CFAP61: variants seen among roughly 807,000 people sequenced by gnomAD.
CFAP61 encodes the protein cilia and flagella associated protein 61, also known as cilia- and flagella-associated protein 61.
In CFAP61, 107 loss-of-function variants were observed where a neutral mutation model predicts 135.6. The observed-to-expected ratio is 0.79, with a 90% CI of 0.67 to 0.93. The LOEUF (loss-of-function observed/expected upper bound fraction) is 0.93. Among genes scored for constraint, CFAP61 ranks in the 40% least tolerant of loss-of-function variants. The pLI is 0.00. For synonymous variants in CFAP61, 575 were observed against 578.5 expected (o/e 0.99, Z 0.09); for missense variants, 1,507 against 1,556.2 (o/e 0.97, Z 0.53).
intron 26 of CFAP61, among the ~76,000 whole-genome samples, chr20:20,355,038 G>A (rs546580795): frequency 6.7e-6 from 1 of 149,158 alleles, no homozygotes; most frequent in South Asian, 2.2e-4. Flanking sequence ...ATCACACTGA[G>A]GGGAGGTGGT....
intron 5 of CFAP61, 61 bp from the exon 6 acceptor site, chr20:20,075,428 C>T (rs2045982041): frequency 1.9e-6 from 3 of 1,580,196 alleles, no homozygotes; most frequent in Admixed American, 3.3e-5. Context: ...ACATTTTGTT[C>T]TGACATCCCA....
At chr20:20,278,180 G>A (rs2053916593) in intron 22 of CFAP61, among the ~76,000 whole-genome samples, 1 of 152,222 alleles carries the variant, frequency 6.6e-6, no homozygotes, top group East Asian at 1.9e-4. Context: ...GTAAAGGGAA[G>A]TATCCCCAGT....
chr20:20,204,662 A>T lies in CFAP61; in HGVS notation c.1932+4760A>T, dbSNP rs546070663. 3.3e-5 allele frequency among the ~76,000 whole-genome samples: 5 copies of T among 152,318 alleles called. No individual in the cohort carries two copies. The East Asian group carries it at 9.6e-4, about 29-fold the overall frequency. On this transcript the variant is annotated intron_variant, in intron 17 of 26. Coordinates refer to ENST00000245957, the MANE Select transcript of CFAP61 (RefSeq NM_015585.4). ...TTGGTAACTTTCACCGCCAGTGGTT[A>T]GACTTCCCTTGGTTATATTTGTGGT...
intron 15 of CFAP61, among the ~76,000 whole-genome samples, chr20:20,194,342 T>TTG (rs2056136646): frequency 6.6e-6 from 1 of 152,214 alleles, no homozygotes; most frequent in Non-Finnish European, 1.5e-5. Context: ...ATTGGAATCT[T>TTG]TATTTCAGAG....
At chr20:20,079,119 G>C (rs2046256510) in intron 6 of CFAP61, among the ~76,000 whole-genome samples, 1 of 152,108 alleles carries the variant, frequency 6.6e-6, no homozygotes, top group Admixed American at 6.6e-5. Context: ...GAGGAAGGGG[G>C]CCCTCCTGCC....
intron 8 of CFAP61, among the ~76,000 whole-genome samples, chr20:20,132,699 AT>A (rs1343874754): frequency 6.6e-6 from 1 of 152,004 alleles, no homozygotes; most frequent in East Asian, 1.9e-4. Flanking sequence ...TTAAGGCATA[AT>A]TTTTAAATTA....
At chr20:20,241,072 A>G (rs2049987184) in intron 18 of CFAP61, among the ~76,000 whole-genome samples, 1 of 152,192 alleles carries the variant, frequency 6.6e-6, no homozygotes. Context: ...GTTTTAAGAG[A>G]AATTTGCTCT....
chr20:20,139,417 C>G (rs1234900883), intron 8 of CFAP61, among the ~76,000 whole-genome samples: 3 of 152,192 alleles, frequency 2.0e-5, no homozygotes, highest in Non-Finnish European at 4.4e-5. Context: ...TGCCTTTACT[C>G]CCACTAGAGT....
intron 21 of CFAP61, among the ~76,000 whole-genome samples, chr20:20,269,854 T>C (rs913807346): frequency 2.0e-5 from 3 of 152,200 alleles, no homozygotes; most frequent in African/African-American, 7.2e-5. Flanking sequence ...GACCTGATTT[T>C]GAAATAGACT....
Position 20,314,544 on chromosome 20 carries a change from T to C in CFAP61, c.3422+16158T>C, listed in dbSNP as rs1308350850. On this transcript the variant is annotated intron_variant, in intron 25 of 26. Coordinates refer to ENST00000245957, the MANE Select transcript of CFAP61 (RefSeq NM_015585.4). ...TTATTATTATTATTTATTTTTTTTA[T>C]TATTATTATACTTTAAGTTTTAGGG... 3.3e-5 allele frequency among the ~76,000 whole-genome samples: 5 copies of C among 149,556 alleles called. No individual in the cohort carries two copies. The East Asian group carries it at 9.7e-4, about 29-fold the overall frequency.
chr20:20,277,232 G>C lies in CFAP61; in HGVS notation c.2570G>C (p.Gly857Ala), dbSNP rs1191098618. The C allele has an allele frequency of 3.1e-6, 5 of 1,613,692 alleles. No individual in the cohort carries two copies. Among genetic ancestry groups the C allele is most frequent in the Non-Finnish European group, 4.2e-6 (5 of 1,179,976 alleles). Residue 857 changes from glycine (G) to alanine (A), a missense_variant, in exon 22 of 27, where the codon GGC (glycine) becomes GCC (alanine). By Grantham distance (60) the Gly-to-Ala change is moderately conservative. Transcript: ENST00000245957. ...ACCGTGGAGACGCTCTTAAACCTTGGCGTGAGCGGCAGCCGCATCCACCTC... is the reference window on the plus strand; with the variant it reads ...ACCGTGGAGACGCTCTTAAACCTTGCCGTGAGCGGCAGCCGCATCCACCTC... ...YTTVETLLNL[G>A]VSGSRIHLVQ...
In CFAP61 at chr20:20,118,273, CTTT is replaced by C. The variant is rs2049313319; in HGVS notation, c.859+19460_859+19462del. ...GGTATGTTTCTTTCTTTCTTTCTTTCTTTCTTTCTTTCTTTCTTTCTTTCTTTC... is the reference window on the plus strand; with the variant it reads ...GGTATGTTTCTTTCTTTCTTTCTTTCCTTTCTTTCTTTCTTTCTTTCTTTC... On this transcript the variant is annotated intron_variant, in intron 8 of 26. Transcript: ENST00000245957. Among the ~76,000 whole-genome samples the C allele has an allele frequency of 2.3e-5, 3 of 131,344 alleles. No homozygotes were observed. The South Asian group carries it at 7.9e-4, about 35-fold the overall frequency. The allele number at this position is 131,344 out of a possible 152,430, so 86.2% of individuals were successfully genotyped here. A position where few individuals can be genotyped will look rare whatever the true frequency, so the allele number is the denominator to read the frequency against.
intron 6 of CFAP61, among the ~76,000 whole-genome samples, chr20:20,085,881 CT>C (rs757736247): frequency 6.6e-6 from 1 of 152,208 alleles, no homozygotes; most frequent in Non-Finnish European, 1.5e-5. Context: ...ATCAAGGACT[CT>C]TTTTTACAGA....
intron 25 of CFAP61, chr20:20,322,520 C>T (rs1042315983): frequency 1.0e-5 from 2 of 194,086 alleles, no homozygotes; most frequent in Non-Finnish European, 1.9e-5. Context: ...GAACTCTTGA[C>T]CTCCTGTATC....
At chr20:20,149,485 C>T (rs1178952955) in intron 9 of CFAP61, among the ~76,000 whole-genome samples, 2 of 152,188 alleles carry the variant, frequency 1.3e-5, no homozygotes, top group African/African-American at 4.8e-5. Context: ...TTGTAAGAAG[C>T]AGCAGACTGC....
chr20:20,288,679 T>TGTA lies in CFAP61; in HGVS notation c.2868_2870dup (p.Val956_Tyr957insTer), dbSNP rs1286461981. ...AAAGCCCTCAATGATGCATGTCTTG[T>TGTA]GTATGACAGTCGACTTGTGATTGAT... On this transcript the variant is annotated stop_gained and inframe_insertion, in exon 23 of 27. Transcript: ENST00000245957. LOFTEE classifies it high-confidence loss of function. 4 of 1,614,026 alleles carry TGTA rather than the reference T, an allele frequency of 2.5e-6. No individual in the cohort carries two copies. In the African/African-American group the frequency reaches 5.3e-5, roughly 22 times the overall value.
At chr20:20,269,436 A>G (rs185416283) in intron 21 of CFAP61, among the ~76,000 whole-genome samples, 363 of 152,074 alleles carry the variant, frequency 2.4e-3, no homozygotes, top group South Asian at 6.9e-3. Context: ...CAGTGGTGCA[A>G]TCTAGGCTCA....
chr20:20,095,656 A>G (rs1048156488), intron 7 of CFAP61: 1 of 152,414 alleles, frequency 6.6e-6, no homozygotes, highest in Non-Finnish European at 1.5e-5. Context: ...GGCGGCTCCT[A>G]GTGACAGATG....
chr20:20,159,947 G>A (rs1208638852), intron 10 of CFAP61, among the ~76,000 whole-genome samples: 2 of 152,152 alleles, frequency 1.3e-5, no homozygotes, highest in Admixed American at 1.3e-4. Flanking sequence ...GCTATCCCTG[G>A]GGACTTCACC....
Sources: gnomAD v4.1 joint callset for allele counts (sites outside exome capture counted in the v4.1 genomes callset) on GRCh38, gnomAD v4.1.1 for gene constraint, MANE v1.5 for transcripts, NCBI Gene and HGNC (gene_info 2026-07-23, HGNC 2026-07-21) for gene names.